Variants in RSU1 observed in about 807,000 individuals in gnomAD.
RSU1 encodes the protein rsu-1.
Under a neutral mutation model 31.1 loss-of-function variants are expected in RSU1, and 26 were observed. The ratio of observed to expected loss-of-function variants is 0.84; its 90% CI spans 0.61 to 1.16. The LOEUF (loss-of-function observed/expected upper bound fraction) is 1.16, where lower values mean the gene tolerates loss of function less well. Among genes scored for constraint, RSU1 ranks in the 50% most tolerant of loss-of-function variants. The probability of loss-of-function intolerance (pLI) is 0.00; values close to 1 mark genes in which losing one functional copy is unlikely to be tolerated. For missense variants in RSU1, 320 were observed against 339.1 expected, an observed-to-expected ratio of 0.94 and a Z score of 0.44; for synonymous variants, 164 against 136.3, an observed-to-expected ratio of 1.20 and a Z score of -1.41.
chr10:16,816,844 C>T (rs1838544496), intron 2 of RSU1, 129 bp downstream of exon 2: 5 of 666,254 alleles, frequency 7.5e-6, no homozygotes, highest in South Asian at 7.1e-5. Context: ...AAGCCCCTGA[C>T]AAGTGAGGTT....
chr10:16,812,583 T>A (rs969831919), intron 2 of RSU1, among the ~76,000 whole-genome samples: 8 of 152,236 alleles, frequency 5.3e-5, no homozygotes, highest in African/African-American at 1.9e-4. Context: ...AACAAGACTT[T>A]TGAGATAGCT....
At chr10:16,684,080 T>C (rs755718149) in intron 8 of RSU1, among the ~76,000 whole-genome samples, 1 of 152,194 alleles carries the variant, frequency 6.6e-6, no homozygotes, top group Non-Finnish European at 1.5e-5. Flanking sequence ...TACAAGGTGC[T>C]AGACACTCAG....
At chr10:16,630,331 T>C (rs1834227311) in intron 8 of RSU1, among the ~76,000 whole-genome samples, 1 of 152,260 alleles carries the variant, frequency 6.6e-6, no homozygotes, top group East Asian at 1.9e-4. Context: ...TTAGGAAGTT[T>C]CCATCGTGTT....
chr10:16,816,028 C>T (rs536599780), intron 2 of RSU1, among the ~76,000 whole-genome samples: 38 of 152,264 alleles, frequency 2.5e-4, no homozygotes, highest in African/African-American at 9.1e-4. Flanking sequence ...GGAGCATTAC[C>T]GTCGATAATG....
chr10:16,735,517 T>C (rs2131604615), intron 7 of RSU1, among the ~76,000 whole-genome samples: 1 of 152,318 alleles, frequency 6.6e-6, no homozygotes, highest in African/African-American at 2.4e-5. Context: ...ATAATAGAAA[T>C]GCTTCTAGAT....
intron 8 of RSU1, among the ~76,000 whole-genome samples, chr10:16,681,855 AAATC>A (rs1835332991): frequency 6.6e-6 from 1 of 152,198 alleles, no homozygotes; most frequent in Non-Finnish European, 1.5e-5. Flanking sequence ...TTTATAATAA[AAATC>A]AATCCATCTC....
Position 16,706,196 on chromosome 10 carries a change from C to T in RSU1, c.599-11041G>A, listed in dbSNP as rs12265619. On this transcript the variant is annotated intron_variant, in intron 7 of 8. Transcript: ENST00000345264. ...GGGTCGTATGGTAGTTTTAATTTTT[C>T]GAGAAACTGTCATACAATTTTCCAT... Among the ~76,000 whole-genome samples the T allele has an allele frequency of 2.6e-3, 401 of 152,242 alleles. 1 individual carries two copies. The highest frequency in any genetic ancestry group is 9.1e-3 in the African/African-American group (378 of 41,552).
chr10:16,730,264 C>A (rs1439491668), intron 7 of RSU1, among the ~76,000 whole-genome samples: 1 of 152,140 alleles, frequency 6.6e-6, no homozygotes, highest in Non-Finnish European at 1.5e-5. Context: ...CCCACCAGGC[C>A]CAACCTCCAG....
intron 7 of RSU1, among the ~76,000 whole-genome samples, chr10:16,699,399 T>C (rs1402232851): frequency 1.3e-5 from 2 of 152,212 alleles, no homozygotes; most frequent in Non-Finnish European, 2.9e-5. Flanking sequence ...GCCATTATAT[T>C]GTGTGAAAAG....
chr10:16,623,112 T>C (rs1160797756), intron 8 of RSU1, among the ~76,000 whole-genome samples: 5 of 152,194 alleles, frequency 3.3e-5, no homozygotes, highest in Non-Finnish European at 5.9e-5. Context: ...GATGCTGAGT[T>C]TGGGGTACTA....
At chr10:16,675,738 C>T (rs950937231) in intron 8 of RSU1, among the ~76,000 whole-genome samples, 1 of 152,184 alleles carries the variant, frequency 6.6e-6, no homozygotes, top group African/African-American at 2.4e-5. Context: ...TCAACATGAA[C>T]GCGTGCTCCT....
chr10:16,725,488 A>G (rs777983541), intron 7 of RSU1, among the ~76,000 whole-genome samples: 2 of 152,116 alleles, frequency 1.3e-5, no homozygotes, highest in Non-Finnish European at 2.9e-5. Flanking sequence ...ATTATCAACG[A>G]AAGCATCTTG....
At chr10:16,606,690 T>G (rs1423335631) in intron 8 of RSU1, among the ~76,000 whole-genome samples, 1 of 152,166 alleles carries the variant, frequency 6.6e-6, no homozygotes, top group South Asian at 2.1e-4. Context: ...AAGGAAACCA[T>G]GTGGAGCACA....
chr10:16,675,999 G>A (rs1835223222), intron 8 of RSU1, among the ~76,000 whole-genome samples: 1 of 152,184 alleles, frequency 6.6e-6, no homozygotes, highest in Non-Finnish European at 1.5e-5. Flanking sequence ...GGTAAAGACT[G>A]TCCTGGCCAA....
intron 7 of RSU1, among the ~76,000 whole-genome samples, chr10:16,696,616 G>A (rs77737971): frequency 0.013 from 1,973 of 152,252 alleles, 37 homozygotes; most frequent in African/African-American, 0.045. Context: ...AAAATAAGCA[G>A]ATCCATTTCT....
chr10:16,774,555 G>C (rs1252511191), intron 3 of RSU1, among the ~76,000 whole-genome samples: 2 of 151,956 alleles, frequency 1.3e-5, no homozygotes, highest in Non-Finnish European at 2.9e-5. Context: ...GGGTGACAGA[G>C]TGAGATCCTG....
In RSU1 at chr10:16,727,844, G is replaced by A. The variant is rs185994882; in HGVS notation, c.598+24695C>T. Among the ~76,000 whole-genome samples the A allele has an allele frequency of 7.4e-4, 112 of 152,300 alleles. 1 individual carries two copies. The highest frequency in any genetic ancestry group is 1.1e-3 in the Non-Finnish European group (76 of 68,026). On this transcript the variant is annotated intron_variant, in intron 7 of 8. Transcript: ENST00000345264. ...GACAGCCTTCAGGAACAGGTACCAA[G>A]GCAACCATACCGCTGCCAGGCTGTG...
At chr10:16,645,584 G>A (rs1209336908) in intron 8 of RSU1, among the ~76,000 whole-genome samples, 1 of 151,868 alleles carries the variant, frequency 6.6e-6, no homozygotes, top group Non-Finnish European at 1.5e-5. Flanking sequence ...GAGGCGGGCG[G>A]ATCGCTTGAG....
intron 7 of RSU1, among the ~76,000 whole-genome samples, chr10:16,718,097 T>TAAAAAAA (rs11411668): frequency 1.5e-5 from 2 of 136,188 alleles, no homozygotes; most frequent in Admixed American, 7.3e-5. Context: ...TCAATTTATT[T>TAAAAAAA]AAAAAAAAAA....
Sources: allele counts gnomAD v4.1 joint callset (sites outside exome capture counted in the v4.1 genomes callset), GRCh38; gene constraint gnomAD v4.1.1; transcripts MANE v1.5; gene names NCBI Gene and HGNC (gene_info 2026-07-23, HGNC 2026-07-21).